Variants in PDZRN4 observed in about 807,000 individuals in gnomAD.
The protein encoded by PDZRN4 is PDZ domain containing ring finger 4.
In PDZRN4, 70 loss-of-function variants were observed where a neutral mutation model predicts 99.0. That is an observed-to-expected ratio of 0.71 (90% CI 0.58 to 0.86). The LOEUF (loss-of-function observed/expected upper bound fraction) is 0.86, where lower values mean the gene tolerates loss of function less well. Among genes scored for constraint, PDZRN4 ranks in the 40% least tolerant of loss-of-function variants. The pLI is 0.00. For missense variants in PDZRN4, 1,474 were observed against 1,331.2 expected, an observed-to-expected ratio of 1.11 and a Z score of -1.67; for synonymous variants, 551 against 501.6, an observed-to-expected ratio of 1.10 and a Z score of -1.32.
intron 3 of PDZRN4, among the ~76,000 whole-genome samples, chr12:41,307,747 A>G (rs989750081): frequency 2.0e-5 from 3 of 152,124 alleles, no homozygotes; most frequent in African/African-American, 4.8e-5. Context: ...ACTCTTGATT[A>G]CATATGAAAA....
chr12:41,570,413 A>G (rs1266631804), intron 9 of PDZRN4, among the ~76,000 whole-genome samples: 2 of 152,208 alleles, frequency 1.3e-5, no homozygotes, highest in Admixed American at 6.5e-5. Flanking sequence ...TCATAGACCA[A>G]TAACAAGGGA....
At chr12:41,295,422 GT>G (rs1191071463) in intron 3 of PDZRN4, among the ~76,000 whole-genome samples, 1 of 151,942 alleles carries the variant, frequency 6.6e-6, no homozygotes. Context: ...GCTAGAAATT[GT>G]TAATTTTGAA....
intron 3 of PDZRN4, among the ~76,000 whole-genome samples, chr12:41,255,281 A>C (rs995302251): frequency 6.6e-6 from 1 of 152,198 alleles, no homozygotes; most frequent in Non-Finnish European, 1.5e-5. Context: ...TAGGTAAGAC[A>C]GGTATGTTTG....
intron 3 of PDZRN4, among the ~76,000 whole-genome samples, chr12:41,392,534 G>T (rs905501226): frequency 3.9e-5 from 6 of 152,124 alleles, no homozygotes; most frequent in Non-Finnish European, 7.4e-5. Context: ...TATTACCAGA[G>T]TATGATATGT....
intron 3 of PDZRN4, among the ~76,000 whole-genome samples, chr12:41,210,950 T>C (rs559740828): frequency 1.3e-5 from 2 of 152,044 alleles, no homozygotes; most frequent in Non-Finnish European, 2.9e-5. Flanking sequence ...TAATTATTTA[T>C]AGCTCTTCTC....
At chr12:41,511,777 T>C (rs1411041425) in intron 5 of PDZRN4, among the ~76,000 whole-genome samples, 2 of 152,176 alleles carry the variant, frequency 1.3e-5, no homozygotes, top group African/African-American at 4.8e-5. Context: ...TGCATCAAAC[T>C]GCAAAATCTA....
intron 5 of PDZRN4, among the ~76,000 whole-genome samples, chr12:41,528,170 G>A (rs571193117): frequency 6.6e-4 from 100 of 150,708 alleles, no homozygotes; most frequent in Admixed American, 1.8e-3. Flanking sequence ...ATAAGGAGCC[G>A]TTTTTGGGGG....
chr12:41,528,184 TTTTG>T (rs1262067019), intron 5 of PDZRN4, among the ~76,000 whole-genome samples: 3 of 143,000 alleles, frequency 2.1e-5, no homozygotes, highest in Non-Finnish European at 4.4e-5. Context: ...TTGGGGGGTT[TTTTG>T]TTTGTTTGTT....
chr12:41,320,156 C>T (rs1395080001), intron 3 of PDZRN4, among the ~76,000 whole-genome samples: 1 of 152,210 alleles, frequency 6.6e-6, no homozygotes, highest in Admixed American at 6.5e-5. Context: ...ATCGTTTCAG[C>T]ACTAGGGCCT....
rs76783334 is a variant in PDZRN4 at position 41,519,980 on chromosome 12, C to T, written c.1203+10067C>T. On this transcript the variant is annotated intron_variant, in intron 5 of 9. Coordinates refer to ENST00000402685, the MANE Select transcript of PDZRN4 (RefSeq NM_001164595.2). Reference sequence around the variant, plus strand: ...CACTAATCCAAGTGTGATGTGGGAACGCTGTGCTTCTGCACACACAAACTG... The same window carrying T: ...CACTAATCCAAGTGTGATGTGGGAATGCTGTGCTTCTGCACACACAAACTG... Among the ~76,000 whole-genome samples, 594 of 152,172 alleles carry T rather than the reference C, an allele frequency of 3.9e-3. 11 individuals carry two copies. In the East Asian group the frequency reaches 0.047, roughly 12 times the overall value.
rs571094897 is a variant in PDZRN4, at chr12:41,219,151, A to T, written c.843+24963A>T. The stretch of plus-strand genomic sequence containing the variant: ...ATACAGATCCTGCCTTTCAGGGTTG[A>T]AGGTGATTAGAGAATTACAGCACTG... On this transcript the variant is annotated intron_variant, in intron 3 of 9. Coordinates refer to ENST00000402685, the MANE Select transcript of PDZRN4 (RefSeq NM_001164595.2). Among the ~76,000 whole-genome samples the T allele has an allele frequency of 5.3e-5, 8 of 152,168 alleles. 1 individual carries two copies. The highest frequency in any genetic ancestry group is 1.9e-4 in the African/African-American group (8 of 41,534).
At chr12:41,479,601 C>A (rs143475975) in intron 3 of PDZRN4, among the ~76,000 whole-genome samples, 1 of 152,186 alleles carries the variant, frequency 6.6e-6, no homozygotes, top group Non-Finnish European at 1.5e-5. Context: ...GAACTCCATA[C>A]ACATGAGTTC....
intron 3 of PDZRN4, among the ~76,000 whole-genome samples, chr12:41,205,598 C>G (rs1950843822): frequency 6.6e-6 from 1 of 151,946 alleles, no homozygotes. Flanking sequence ...CTAACTTCTA[C>G]TTATTCCTTC....
At chr12:41,477,455 A>G (rs1018977804) in intron 3 of PDZRN4, among the ~76,000 whole-genome samples, 4 of 152,216 alleles carry the variant, frequency 2.6e-5, no homozygotes, top group Non-Finnish European at 4.4e-5. Flanking sequence ...GAAATTGTCT[A>G]GAAAAGAGGT....
At chr12:41,557,682 C>CTTT (rs34041922) in intron 7 of PDZRN4, among the ~76,000 whole-genome samples, 1 of 146,414 alleles carries the variant, frequency 6.8e-6, no homozygotes, top group Non-Finnish European at 1.5e-5. Flanking sequence ...TGCAGAGCTC[C>CTTT]TTTTTTTTTT....
At chr12:41,207,335 T>C (rs574224679) in intron 3 of PDZRN4, among the ~76,000 whole-genome samples, 72 of 151,926 alleles carry the variant, frequency 4.7e-4, no homozygotes, top group African/African-American at 1.7e-3. Flanking sequence ...GCTGGCAAGA[T>C]AGAATTTTAG....
At chr12:41,498,845 T>G (rs1938058751) in intron 3 of PDZRN4, among the ~76,000 whole-genome samples, 1 of 152,152 alleles carries the variant, frequency 6.6e-6, no homozygotes, top group Non-Finnish European at 1.5e-5. Flanking sequence ...GACAAACTCA[T>G]AATCTCATTT....
intron 3 of PDZRN4, among the ~76,000 whole-genome samples, chr12:41,418,323 T>C (rs530291217): frequency 6.6e-6 from 1 of 152,328 alleles, no homozygotes; most frequent in South Asian, 2.1e-4. Context: ...TTGTTATCAA[T>C]TCTGCTGGTG....
intron 3 of PDZRN4, among the ~76,000 whole-genome samples, chr12:41,244,733 G>A (rs905284144): frequency 3.4e-5 from 5 of 148,702 alleles, no homozygotes; most frequent in East Asian, 2.0e-4. Flanking sequence ...GCCAGACTGC[G>A]GACTGCAGTG....
Sources: gnomAD v4.1 joint callset for allele counts (sites outside exome capture counted in the v4.1 genomes callset) on GRCh38, gnomAD v4.1.1 for gene constraint, MANE v1.5 for transcripts, NCBI Gene and HGNC (gene_info 2026-07-23, HGNC 2026-07-21) for gene names.